RPH3AL: variants seen among roughly 807,000 people sequenced by gnomAD.
RPH3AL encodes rabphilin 3A like (without C2 domains), also known as rab effector Noc2.
A neutral mutation model predicts 43.1 loss-of-function variants in RPH3AL; 38 were observed. The ratio of observed to expected loss-of-function variants is 0.88; its 90% CI spans 0.68 to 1.15. RPH3AL has a LOEUF of 1.15. Among genes scored for constraint, RPH3AL ranks in the 50% most tolerant of loss-of-function variants. The probability of loss-of-function intolerance (pLI) is 0.00; values close to 1 mark genes in which losing one functional copy is unlikely to be tolerated. For missense variants in RPH3AL, 462 were observed against 423.2 expected (o/e 1.09, Z -0.81); for synonymous variants, 189 against 176.3 (o/e 1.07, Z -0.57).
chr17:230,451 C>T (rs369706010), intron 7 of RPH3AL, among the ~76,000 whole-genome samples: 14 of 152,216 alleles, frequency 9.2e-5, no homozygotes, highest in Admixed American at 3.3e-4. Flanking sequence ...GCTTCCTGGA[C>T]GAGCTGGAAT....
chr17:327,651 T>C (rs1187295168), intron 2 of RPH3AL, 72 bp from the exon 3 acceptor site: 3 of 926,128 alleles, frequency 3.2e-6, no homozygotes, highest in Non-Finnish European at 5.1e-6. Flanking sequence ...AGGTTCTCTG[T>C]GCCCTCAGGC....
chr17:289,113 TGGACTC>T lies in RPH3AL; in HGVS notation c.352-7265_352-7260del, dbSNP rs1398222388. ...AGGGTGTGCCGTTTAGAGGTGAACT[TGGACTC>T]GGTACTCGCCTTCTGAGCCTCACTT... On this transcript the variant is annotated intron_variant, in intron 5 of 9. Transcript: ENST00000331302. This position sits in a 1 kb window ranked among gnomAD's most constrained non-coding sequence, Gnocchi z 5.2. 6.6e-6 allele frequency among the ~76,000 whole-genome samples: 1 copy of T among 152,158 alleles called. No individual in the cohort carries two copies. The highest frequency in any genetic ancestry group is 1.5e-5 in the Non-Finnish European group (1 of 68,032).
At chr17:244,880 AGT>A in intron 7 of RPH3AL, among the ~76,000 whole-genome samples, 1 of 151,732 alleles carries the variant, frequency 6.6e-6, no homozygotes, top group Non-Finnish European at 1.5e-5. Context: ...TATGAGTGCG[AGT>A]GTGTGTGCGT....
intron 7 of RPH3AL, 23 bp from the exon 8 acceptor site, chr17:219,759 C>T (rs771488787): frequency 1.4e-5 from 22 of 1,582,578 alleles, no homozygotes; most frequent in Middle Eastern, 3.3e-4. Context: ...GACCACAGCA[C>T]AGGAGGTCAC....
At chr17:241,936 G>C (rs1284551044) in intron 7 of RPH3AL, among the ~76,000 whole-genome samples, 1 of 151,966 alleles carries the variant, frequency 6.6e-6, no homozygotes, top group Non-Finnish European at 1.5e-5. Flanking sequence ...GGCCAATATG[G>C]CGAAACCCCG....
chr17:315,206 T>G (rs879381815), intron 5 of RPH3AL, among the ~76,000 whole-genome samples: 5,820 of 14,688 alleles, frequency 0.4, 2,476 homozygotes, highest in Non-Finnish European at 0.46. Context: ...TCCACCTCCA[T>G]TCACCTGTAG....
rs1393139694 is a variant in RPH3AL at position 264,984 on chromosome 17, A to T, written c.438+16784T>A. On this transcript the variant is annotated intron_variant, in intron 6 of 9. Coordinates refer to ENST00000331302, the MANE Select transcript of RPH3AL (RefSeq NM_006987.4). This position sits in a 1 kb window ranked among gnomAD's most constrained non-coding sequence, Gnocchi z 4.8. ...AGATATAAAAGAATCAGTTAACAAA[A>T]CAAATCTGACCCAAAATTCCAGATT... 2.6e-5 allele frequency among the ~76,000 whole-genome samples: 4 copies of T among 152,224 alleles called. No homozygotes were observed. Among genetic ancestry groups the T allele is most frequent in the African/African-American group, 9.6e-5 (4 of 41,462 alleles).
At chr17:244,586 A>C (rs1198288360) in intron 7 of RPH3AL, among the ~76,000 whole-genome samples, 1 of 152,070 alleles carries the variant, frequency 6.6e-6, no homozygotes, top group Non-Finnish European at 1.5e-5. Context: ...GGGCCCTCGG[A>C]GGCAGGGTCC....
chr17:314,504 CGTCCATTGACCTGTAGTCCCTGTGA>C (rs2043800680), intron 5 of RPH3AL, among the ~76,000 whole-genome samples: 1 of 133,310 alleles, frequency 7.5e-6, no homozygotes, highest in African/African-American at 2.6e-5. Flanking sequence ...CTATACTCCA[CGTCCATTGACCTGTAGTCCCTGTGA>C]CTCCACCTCC....
intron 7 of RPH3AL, among the ~76,000 whole-genome samples, chr17:235,673 G>C (rs368247606): frequency 1.4e-3 from 99 of 68,740 alleles, no homozygotes; most frequent in South Asian, 2.5e-3. Context: ...TGGGGTCAGC[G>C]GAGGCTCTAC....
chr17:273,956 A>G (rs1243508809), intron 6 of RPH3AL, among the ~76,000 whole-genome samples: 1 of 152,146 alleles, frequency 6.6e-6, no homozygotes, highest in Non-Finnish European at 1.5e-5. Context: ...TCCTCCAAGA[A>G]GCTTTCTTAT....
intron 5 of RPH3AL, among the ~76,000 whole-genome samples, chr17:305,625 A>T (rs750013521): frequency 6.6e-6 from 1 of 152,096 alleles, no homozygotes; most frequent in Non-Finnish European, 1.5e-5. Flanking sequence ...AGGTCACAGG[A>T]ATGTCTCCAC....
intron 5 of RPH3AL, among the ~76,000 whole-genome samples, chr17:313,475 G>A (rs1360145315): frequency 1.3e-5 from 2 of 152,202 alleles, no homozygotes; most frequent in Non-Finnish European, 2.9e-5. Context: ...CTTCAGGACT[G>A]TTCCAGGGGA....
rs149106274 is a variant in RPH3AL at position 234,827 on chromosome 17, G to A, written c.613+12284C>T. Among the ~76,000 whole-genome samples, 9 of 152,342 alleles carry A rather than the reference G, an allele frequency of 5.9e-5. No individual in the cohort carries two copies. In the East Asian group the frequency reaches 1.7e-3, roughly 29 times the overall value. On this transcript the variant is annotated intron_variant, in intron 7 of 9. Coordinates refer to ENST00000331302, the MANE Select transcript of RPH3AL (RefSeq NM_006987.4). ...GGCTGGGGGTGAGGAGAAGGAGGCT[G>A]AGCTTCCAAAATGCAAATCTCTCAG...
In RPH3AL at chr17:323,794, C is replaced by T. The variant is rs1013248104; in HGVS notation, c.78-2379G>A. Among the ~76,000 whole-genome samples, 9 of 151,888 alleles carry T rather than the reference C, an allele frequency of 5.9e-5. No homozygotes were observed. The highest frequency in any genetic ancestry group is 1.7e-4 in the African/African-American group (7 of 41,304). On this transcript the variant is annotated intron_variant, in intron 3 of 9. Transcript: ENST00000331302. The surrounding 1 kb of genome is among the most constrained non-coding windows in gnomAD (Gnocchi z 4.4). ...TTCCATCGGACCCTCACAGTCACCC[C>T]GAGGCAGGCCCGGACCCTCCATCAC...
chr17:291,089 A>C (rs752706016), intron 5 of RPH3AL, among the ~76,000 whole-genome samples: 10 of 152,250 alleles, frequency 6.6e-5, no homozygotes, highest in Non-Finnish European at 1.3e-4. Context: ...TGTGGAGATG[A>C]ACACTGAAGA....
chr17:281,162 G>T (rs2042769170), intron 6 of RPH3AL, among the ~76,000 whole-genome samples: 1 of 152,074 alleles, frequency 6.6e-6, no homozygotes, highest in African/African-American at 2.4e-5. Context: ...AATGGGGTTG[G>T]AACTAGAACC....
At chr17:345,498 T>C (rs1262239297) in intron 1 of RPH3AL, among the ~76,000 whole-genome samples, 1 of 134,630 alleles carries the variant, frequency 7.4e-6, no homozygotes, top group African/African-American at 2.5e-5. Flanking sequence ...TCTACGCCTG[T>C]ATAGCCAGGC....
At chr17:234,892 T>C (rs1262728892) in intron 7 of RPH3AL, among the ~76,000 whole-genome samples, 1 of 152,238 alleles carries the variant, frequency 6.6e-6, no homozygotes, top group Non-Finnish European at 1.5e-5. Context: ...AGCAGCTGGC[T>C]CTGGGCGGTC....
Sources: gnomAD v4.1 joint callset for allele counts (sites outside exome capture counted in the v4.1 genomes callset) on GRCh38, gnomAD v4.1.1 for gene constraint, Gnocchi (gnomAD v3.1) non-coding constraint, MANE v1.5 for transcripts, NCBI Gene and HGNC (gene_info 2026-07-23, HGNC 2026-07-21) for gene names.